Variants in ARID5B observed in about 807,000 individuals in gnomAD.
The protein encoded by ARID5B is AT-rich interactive domain-containing protein 5B.
Under a neutral mutation model 97.2 loss-of-function variants are expected in ARID5B, and 13 were observed. The observed-to-expected ratio is 0.13, with a 90% CI of 0.09 to 0.21. ARID5B has a LOEUF of 0.21. Ranked by LOEUF, ARID5B falls within the 10% of genes least tolerant of loss-of-function variation. ARID5B has a pLI of 1.00. For synonymous variants in ARID5B, 556 were observed against 570.3 expected, an observed-to-expected ratio of 0.97 and a Z score of 0.36; for missense variants, 1,210 against 1,465.3, an observed-to-expected ratio of 0.83 and a Z score of 2.84.
chr10:61,977,356 C>G (rs1038407060), intron 3 of ARID5B, among the ~76,000 whole-genome samples: 2 of 152,206 alleles, frequency 1.3e-5, no homozygotes, highest in African/African-American at 2.4e-5. Flanking sequence ...GATTTATAAT[C>G]CTTTGGGTAT....
intron 3 of ARID5B, among the ~76,000 whole-genome samples, chr10:61,998,111 C>T (rs553569910): frequency 1.3e-5 from 2 of 152,282 alleles, no homozygotes; most frequent in African/African-American, 4.8e-5. Context: ...TTGTAAGCAG[C>T]TAAACATCTC....
chr10:62,038,313 A>T (rs1839590730), intron 4 of ARID5B, among the ~76,000 whole-genome samples: 1 of 151,892 alleles, frequency 6.6e-6, no homozygotes, highest in African/African-American at 2.4e-5. Context: ...CTGTACCTAT[A>T]CTTGGTTCTA....
At position 62,015,181 on chromosome 10, in the gene ARID5B, G is replaced by A. The variant is rs1278467572; in HGVS notation, c.733+14860G>A. ...ATAACCACTTAATGAAGTGTTAGTA[G>A]GATAAATACTTCAGCGAAAGGCTTA... On this transcript the variant is annotated intron_variant, in intron 4 of 9. Coordinates refer to ENST00000279873, the MANE Select transcript of ARID5B (RefSeq NM_032199.3). Among the ~76,000 whole-genome samples the A allele has an allele frequency of 2.6e-5, 4 of 152,148 alleles. No homozygotes were observed. In the East Asian group the frequency reaches 7.7e-4, roughly 29 times the overall value.
chr10:62,021,055 T>TATATATAC (rs1839350846), intron 4 of ARID5B, among the ~76,000 whole-genome samples: 1 of 137,342 alleles, frequency 7.3e-6, no homozygotes. Context: ...TATATATATA[T>TATATATAC]ATATATATAT....
At chr10:61,950,401 G>A (rs1391856219) in intron 3 of ARID5B, among the ~76,000 whole-genome samples, 1 of 152,198 alleles carries the variant, frequency 6.6e-6, no homozygotes, top group Admixed American at 6.5e-5. Flanking sequence ...GGGCACAGTG[G>A]CTCACGCCTA....
rs150224183 is a variant in ARID5B, at chr10:61,968,236, A to C, written c.502+27828A>C. ...CACAAACACAGTTTCACCAGGCAGTACTTACCCCTTACCGACAATGCCCTC... is the reference window on the plus strand; with the variant it reads ...CACAAACACAGTTTCACCAGGCAGTCCTTACCCCTTACCGACAATGCCCTC... On this transcript the variant is annotated intron_variant, in intron 3 of 9. Coordinates refer to ENST00000279873, the MANE Select transcript of ARID5B (RefSeq NM_032199.3). Among the ~76,000 whole-genome samples, 542 of 150,526 alleles carry C rather than the reference A, an allele frequency of 3.6e-3. 2 individuals are homozygous for C. Among genetic ancestry groups the C allele is most frequent in the African/African-American group, 0.013 (513 of 40,840 alleles).
intron 6 of ARID5B, among the ~76,000 whole-genome samples, chr10:62,058,132 A>G (rs768585613): frequency 6.6e-6 from 1 of 152,210 alleles, no homozygotes; most frequent in Non-Finnish European, 1.5e-5. Context: ...CCTAATAGCA[A>G]TTGGCACTGA....
intron 4 of ARID5B, chr10:62,049,194 G>A (rs1390039217): frequency 5.4e-6 from 7 of 1,291,874 alleles, no homozygotes; most frequent in African/African-American, 3.0e-5. Flanking sequence ...ATCTCCGTGC[G>A]GGGAGGTGGA....
At chr10:62,056,966 A>T (rs1039048038) in intron 5 of ARID5B, 151 bp from the exon 6 acceptor site, 4 of 696,064 alleles carry the variant, frequency 5.7e-6, no homozygotes, top group South Asian at 3.9e-5. Flanking sequence ...ATCTTCAGTG[A>T]TGCCTCTGAA....
intron 3 of ARID5B, among the ~76,000 whole-genome samples, chr10:61,989,836 T>C (rs1265125738): frequency 1.3e-5 from 2 of 152,134 alleles, no homozygotes; most frequent in African/African-American, 2.4e-5. Context: ...AAGGGAAAGA[T>C]CAAAAGGCTA....
chr10:62,044,835 C>T (rs1404502316), intron 4 of ARID5B, among the ~76,000 whole-genome samples: 1 of 152,124 alleles, frequency 6.6e-6, no homozygotes, highest in Non-Finnish European at 1.5e-5. Context: ...TGTCAATGGC[C>T]CAGTGTGTTT....
intron 4 of ARID5B, among the ~76,000 whole-genome samples, chr10:62,018,614 GC>G (rs1839314494): frequency 4.5e-5 from 2 of 44,020 alleles, no homozygotes; most frequent in Admixed American, 2.2e-4. Flanking sequence ...CCCCTCCCCC[GC>G]CCCCACCACT....
intron 3 of ARID5B, among the ~76,000 whole-genome samples, chr10:61,990,607 A>G (rs1214909411): frequency 2.0e-5 from 3 of 152,148 alleles, no homozygotes; most frequent in Admixed American, 6.5e-5. Context: ...AAGAATTAGG[A>G]CACCGATTCT....
intron 2 of ARID5B, among the ~76,000 whole-genome samples, chr10:61,904,475 G>A (rs1843674969): frequency 6.6e-6 from 1 of 152,120 alleles, no homozygotes; most frequent in South Asian, 2.1e-4. Context: ...CTTTTTAATT[G>A]TTCATTATGG....
intron 3 of ARID5B, among the ~76,000 whole-genome samples, chr10:61,952,943 T>C (rs1838342927): frequency 6.6e-6 from 1 of 152,132 alleles, no homozygotes. Context: ...TTCAGGGTCA[T>C]AGTAGTGACA....
At chr10:61,946,072 A>G (rs1844493913) in intron 3 of ARID5B, among the ~76,000 whole-genome samples, 1 of 148,240 alleles carries the variant, frequency 6.7e-6, no homozygotes, top group Non-Finnish European at 1.5e-5. Flanking sequence ...ATATATTTAT[A>G]TATTAATATA....
intron 3 of ARID5B, among the ~76,000 whole-genome samples, chr10:61,967,533 G>A (rs1838562859): frequency 6.6e-6 from 1 of 152,194 alleles, no homozygotes; most frequent in Non-Finnish European, 1.5e-5. Context: ...TTCACACAGT[G>A]TCATGCACCC....
At chr10:61,925,699 A>G (rs1246219327) in intron 2 of ARID5B, among the ~76,000 whole-genome samples, 3 of 152,152 alleles carry the variant, frequency 2.0e-5, no homozygotes, top group Non-Finnish European at 4.4e-5. Context: ...GAATTATGAG[A>G]GGGTGTTTCT....
chr10:62,052,377 C>T (rs1839801869), intron 5 of ARID5B, among the ~76,000 whole-genome samples: 1 of 152,204 alleles, frequency 6.6e-6, no homozygotes, highest in African/African-American at 2.4e-5. Flanking sequence ...TTGCAAGATC[C>T]TGCAGAATGG....
Sources: allele counts gnomAD v4.1 joint callset (sites outside exome capture counted in the v4.1 genomes callset), GRCh38; gene constraint gnomAD v4.1.1; transcripts MANE v1.5; gene names NCBI Gene and HGNC (gene_info 2026-07-23, HGNC 2026-07-21).